The following NPNT variants were observed in gnomAD, a reference collection of about 807,000 sequenced individuals.
The protein encoded by NPNT is nephronectin, also known as preosteoblast EGF-like repeat protein with MAM domain.
NPNT carries 45 observed loss-of-function variants against 68.6 expected under a neutral mutation model. That is an observed-to-expected ratio of 0.66 (90% CI 0.52 to 0.84). The LOEUF (loss-of-function observed/expected upper bound fraction) is 0.84, where lower values mean the gene tolerates loss of function less well. Ranked by LOEUF, NPNT falls within the 40% of genes least tolerant of loss-of-function variation. NPNT has a pLI of 0.00. For missense variants in NPNT, 672 were observed against 714.8 expected, an observed-to-expected ratio of 0.94 and a Z score of 0.68; for synonymous variants, 233 against 253.3, an observed-to-expected ratio of 0.92 and a Z score of 0.76.
intron 2 of NPNT, among the ~76,000 whole-genome samples, chr4:105,899,238 G>A (rs981036337): frequency 3.3e-5 from 5 of 152,142 alleles, no homozygotes; most frequent in Admixed American, 6.5e-5. Flanking sequence ...TAAAGGAAAT[G>A]AATGTTTGCC....
intron 2 of NPNT, among the ~76,000 whole-genome samples, chr4:105,905,927 T>C (rs1028944106): frequency 3.3e-5 from 5 of 152,220 alleles, no homozygotes; most frequent in African/African-American, 1.2e-4. Context: ...CTTCTATTTT[T>C]GATTCCTTAG....
intron 3 of NPNT, among the ~76,000 whole-genome samples, chr4:105,933,080 C>G (rs1370166218): frequency 6.6e-6 from 1 of 152,174 alleles, no homozygotes; most frequent in African/African-American, 2.4e-5. Context: ...CTTCCCCACT[C>G]TTGAGGTATA....
rs928678840 is a variant in NPNT, at chr4:105,922,204, A to T, written c.173-5132A>T. Among the ~76,000 whole-genome samples, 18 of 151,812 alleles carry T rather than the reference A, an allele frequency of 1.2e-4. 1 individual carries two copies. Among genetic ancestry groups the T allele is most frequent in the Admixed American group, 1.1e-3 (17 of 15,226 alleles). On this transcript the variant is annotated intron_variant, in intron 2 of 11. Coordinates refer to ENST00000379987, the MANE Select transcript of NPNT (RefSeq NM_001033047.3). ...GAGCCTCCATCTGCTTGGGTATCTC[A>T]ACATATCCTTAGTTTTCAAATGTTG...
In NPNT at chr4:105,940,424, A is replaced by C. The variant is rs2149373707; in HGVS notation, c.641-90A>C. ...TATTATGTAGATCATCACATTGCCA[A>C]AAAAAATCATTTTTGAAACTGTATA... On this transcript the variant is annotated intron_variant, in intron 6 of 11. Transcript: ENST00000379987. The C allele has an allele frequency of 3.6e-6, 5 of 1,375,196 alleles. No homozygotes were observed. In the Middle Eastern group the frequency reaches 9.2e-4, roughly 253 times the overall value. 85.2% of individuals were successfully genotyped at this position (1,375,196 alleles called of 1,614,324 possible).
intron 2 of NPNT, among the ~76,000 whole-genome samples, chr4:105,912,910 C>T (rs1727484195): frequency 6.6e-6 from 1 of 152,134 alleles, no homozygotes; most frequent in African/African-American, 2.4e-5. Context: ...CTCTGTTGCC[C>T]AAGGTGGAGT....
intron 2 of NPNT, among the ~76,000 whole-genome samples, chr4:105,898,296 C>G (rs541803873): frequency 2.0e-4 from 26 of 126,956 alleles, no homozygotes; most frequent in South Asian, 9.0e-4. Context: ...TTATTTCTCT[C>G]TCTCTCTCTC....
chr4:105,912,266 T>G (rs1348167532), intron 2 of NPNT: 2 of 1,494,646 alleles, frequency 1.3e-6, no homozygotes, highest in Admixed American at 4.0e-5. Flanking sequence ...CTTGAAATAA[T>G]TTTGGCTAAT....
chr4:105,924,672 CA>C (rs1728553072), intron 2 of NPNT, among the ~76,000 whole-genome samples: 1 of 152,058 alleles, frequency 6.6e-6, no homozygotes, highest in Admixed American at 6.6e-5. Context: ...GGAGAGGAAA[CA>C]ATAAAAACTT....
intron 8 of NPNT, among the ~76,000 whole-genome samples, chr4:105,945,617 T>C (rs1393266742): frequency 6.6e-6 from 1 of 152,238 alleles, no homozygotes; most frequent in Non-Finnish European, 1.5e-5. Context: ...TATATTTAAG[T>C]GTGACCTTTT....
chr4:105,967,428 G>A lies in NPNT; in HGVS notation c.1586G>A (p.Gly529Glu). Reference protein sequence around the residue: ...GWRQTQITLRGADIKSVVFKG... With the variant: ...GWRQTQITLREADIKSVVFKG... ...AGGCAAACACAGATCACCTTGCGAG[G>A]GGCTGACATCAAGAGCGTAAGTAGA... The change falls in exon 11 of 12, where the codon GGG (glycine) becomes GAG (glutamate). Residue 529 changes from glycine to glutamate, a missense_variant. Coordinates refer to ENST00000379987, the MANE Select transcript of NPNT (RefSeq NM_001033047.3). 6.3e-7 allele frequency: 1 copy of A among 1,592,966 alleles called. No individual in the cohort carries two copies. Among genetic ancestry groups the A allele is most frequent in the Non-Finnish European group, 8.5e-7 (1 of 1,170,674 alleles).
intron 2 of NPNT, among the ~76,000 whole-genome samples, chr4:105,925,610 T>C (rs1304064543): frequency 6.6e-6 from 1 of 152,036 alleles, no homozygotes; most frequent in East Asian, 1.9e-4. Context: ...ACAGCATGGG[T>C]TAAAATGGGT....
chr4:105,945,527 A>G (rs1013078883), intron 8 of NPNT, among the ~76,000 whole-genome samples: 9 of 152,194 alleles, frequency 5.9e-5, no homozygotes, highest in Non-Finnish European at 1.3e-4. Context: ...GCTAAGGTCT[A>G]ATAATGTGGA....
At chr4:105,909,817 G>A (rs1727211709) in intron 2 of NPNT, among the ~76,000 whole-genome samples, 2 of 152,130 alleles carry the variant, frequency 1.3e-5, no homozygotes. Flanking sequence ...GTGTCAGGGA[G>A]GACCTTTCCC....
intron 2 of NPNT, among the ~76,000 whole-genome samples, chr4:105,924,853 G>A (rs1394091583): frequency 6.6e-6 from 1 of 152,116 alleles, no homozygotes; most frequent in African/African-American, 2.4e-5. Context: ...CATGCTTTGA[G>A]AGAGTTTTCC....
At chr4:105,895,753 C>T (rs1725772884) in intron 1 of NPNT, 30 bp downstream of exon 1, 2 of 1,537,160 alleles carry the variant, frequency 1.3e-6, no homozygotes, top group Non-Finnish European at 1.8e-6. Flanking sequence ...GCCCTCTCCT[C>T]CTTCCCGCGC....
At chr4:105,927,803 G>A (rs1728808032) in intron 3 of NPNT, among the ~76,000 whole-genome samples, 1 of 152,112 alleles carries the variant, frequency 6.6e-6, no homozygotes, top group African/African-American at 2.4e-5. Context: ...AAGTCAAGTA[G>A]GGGATTTGAT....
intron 5 of NPNT, among the ~76,000 whole-genome samples, chr4:105,939,714 A>C (rs1319014479): frequency 6.6e-6 from 1 of 152,172 alleles, no homozygotes; most frequent in African/African-American, 2.4e-5. Context: ...AAAAGTAGAC[A>C]GATTCAAATA....
chr4:105,937,747 TA>T (rs1189727792), intron 4 of NPNT, among the ~76,000 whole-genome samples: 1 of 152,208 alleles, frequency 6.6e-6, no homozygotes, highest in Non-Finnish European at 1.5e-5. Context: ...GACTATGCCC[TA>T]AAATTCTCTA....
intron 10 of NPNT, among the ~76,000 whole-genome samples, chr4:105,963,509 C>G (rs2149408642): frequency 6.6e-6 from 1 of 152,198 alleles, no homozygotes; most frequent in Admixed American, 6.5e-5. Context: ...TTATCACATT[C>G]AGTCACAGTG....
Sources: gnomAD v4.1 joint callset for allele counts (sites outside exome capture counted in the v4.1 genomes callset) on GRCh38, gnomAD v4.1.1 for gene constraint, MANE v1.5 for transcripts, NCBI Gene and HGNC (gene_info 2026-07-23, HGNC 2026-07-21) for gene names.